Variants in VEZF1 observed in about 807,000 individuals in gnomAD.
VEZF1 encodes vascular endothelial zinc finger 1.
In VEZF1, 5 loss-of-function variants were observed where a neutral mutation model predicts 44.1. That is an observed-to-expected ratio of 0.11 (90% confidence interval 0.06 to 0.24). The LOEUF is 0.24. Among genes scored for constraint, VEZF1 ranks in the 10% least tolerant of loss-of-function variants. The pLI, the probability that VEZF1 is intolerant of heterozygous loss-of-function variation, is 1.00. For synonymous variants in VEZF1, 236 were observed against 233.1 expected (o/e 1.01, Z -0.11); for missense variants, 358 against 641.8 (o/e 0.56, Z 4.78).
intron 1 of VEZF1, among the ~76,000 whole-genome samples, chr17:57,986,326 C>CTA (rs1567741956): frequency 2.6e-5 from 4 of 151,310 alleles, no homozygotes; most frequent in African/African-American, 9.7e-5. Flanking sequence ...TTTTCAATCT[C>CTA]TATAGACACC....
At chr17:57,980,393 G>T (rs1057151746) in intron 4 of VEZF1, among the ~76,000 whole-genome samples, 2 of 152,188 alleles carry the variant, frequency 1.3e-5, no homozygotes, top group African/African-American at 4.8e-5. Context: ...CACCTTAAAG[G>T]TTATTATTAG....
At chr17:57,983,869 A>T (rs187890987) in intron 1 of VEZF1, among the ~76,000 whole-genome samples, 17 of 152,372 alleles carry the variant, frequency 1.1e-4, no homozygotes, top group Non-Finnish European at 1.5e-5. Flanking sequence ...ATGTCTTTCT[A>T]TCAGAAAACT....
At chr17:57,975,345 G>A (rs2075179928) in intron 5 of VEZF1, among the ~76,000 whole-genome samples, 1 of 152,194 alleles carries the variant, frequency 6.6e-6, no homozygotes, top group Non-Finnish European at 1.5e-5. Context: ...TGGGCCAATG[G>A]TTACACAATA....
At position 57,988,091 on chromosome 17, in the gene VEZF1, C is replaced by T. The variant is rs1479397762; in HGVS notation, c.21G>A (p.Ala7=). The change falls in exon 1 of 6, where the codon GCG becomes GCA. Residue 7 remains alanine (A), a synonymous_variant. Coordinates refer to ENST00000581208, the MANE Select transcript of VEZF1 (RefSeq NM_007146.3). MEANWT[A]FLFQAHEASH... ...GGGCCCCCAGTACCTGGAACAGGAA[C>T]GCGGTCCAGTTGGCCTCCATGGCTG... The T allele has an allele frequency of 1.9e-5, 14 of 728,064 alleles. No homozygotes were observed. In the Admixed American group the frequency reaches 2.2e-4, roughly 12 times the overall value. 45.1% of individuals were successfully genotyped at this position (728,064 alleles called of 1,614,324 possible).
chr17:57,983,094 C>T lies in VEZF1; in HGVS notation c.333G>A (p.Thr111=), dbSNP rs778054298. 2.0e-5 allele frequency: 33 copies of T among 1,614,162 alleles called. No individual in the cohort carries two copies. The highest frequency in any genetic ancestry group is 2.7e-5 in the Non-Finnish European group (32 of 1,180,032). Residue 111 remains threonine, a synonymous_variant, in exon 2 of 6, where the codon ACG becomes ACA. Coordinates refer to ENST00000581208, the MANE Select transcript of VEZF1 (RefSeq NM_007146.3). ...CGATGGTAGAGATAAGGGGAACCACCGTGGTGGGGGTTTTCTTTGGCCGGG... is the reference window on the plus strand; with the variant it reads ...CGATGGTAGAGATAAGGGGAACCACTGTGGTGGGGGTTTTCTTTGGCCGGG... ...LVSRPKKTPT[T]VVPLISTIAG... is the part of the protein sequence containing the mutation.
rs1598049155 is a variant in VEZF1, at chr17:57,983,485, A to C, written c.34-92T>G. 80 of 1,166,370 alleles carry C rather than the reference A, an allele frequency of 6.9e-5. No individual in the cohort carries two copies. In the East Asian group the frequency reaches 1.9e-3, roughly 27 times the overall value. The allele number at this position is 1,166,370 out of a possible 1,614,324, so 72.3% of individuals were successfully genotyped here. On this transcript the variant is annotated intron_variant, in intron 1 of 5. Coordinates refer to ENST00000581208, the MANE Select transcript of VEZF1 (RefSeq NM_007146.3). Reference sequence around the variant, plus strand: ...CCAGACAATAGAGACCAGAAGAAACAGTCAAAGAACCTATAAGCTACTCTG... The same window carrying C: ...CCAGACAATAGAGACCAGAAGAAACCGTCAAAGAACCTATAAGCTACTCTG...
In VEZF1 at chr17:57,979,243, T is replaced by TTGTTGCTGCTGCTGCTGC. The variant is rs914850486; in HGVS notation, c.1046_1047insGCAGCAGCAGCAGCAACA (p.Gln349_Gln354dup). The stretch of plus-strand genomic sequence containing the variant: ...TTGTCACATGTTGTTGTTGTTGTTG[T>TTGTTGCTGCTGCTGCTGC]TGCTGCTGCTGCTGCTGCTGCTGCT... On this transcript the variant is annotated inframe_insertion, in exon 5 of 6. Transcript: ENST00000581208. The TTGTTGCTGCTGCTGCTGC allele has an allele frequency of 2.5e-6, 4 of 1,596,988 alleles. No homozygotes were observed. In the African/African-American group the frequency reaches 5.4e-5, roughly 22 times the overall value.
chr17:57,985,438 G>C, intron 1 of VEZF1: 1 of 1,222,948 alleles, frequency 8.2e-7, no homozygotes, highest in Non-Finnish European at 1.0e-6. Flanking sequence ...GCCTTCTAAG[G>C]GGGAACTGGG....
In VEZF1 at chr17:57,988,088, G is replaced by A; in HGVS notation, c.24C>T (p.Phe8=). MEANWTA[F]LFQAHEASHH... ...GGGGGGCCCCCAGTACCTGGAACAGGAACGCGGTCCAGTTGGCCTCCATGG... is the reference window on the plus strand; with the variant it reads ...GGGGGGCCCCCAGTACCTGGAACAGAAACGCGGTCCAGTTGGCCTCCATGG... The change falls in exon 1 of 6, where the codon TTC becomes TTT. Residue 8 remains phenylalanine, a synonymous_variant. Transcript: ENST00000581208. 1.4e-6 allele frequency: 1 copy of A among 712,198 alleles called. No individual in the cohort carries two copies. Among genetic ancestry groups the A allele is most frequent in the Non-Finnish European group, 1.8e-6 (1 of 540,702 alleles). 44.1% of individuals were successfully genotyped at this position (712,198 alleles called of 1,614,324 possible).
intron 1 of VEZF1, among the ~76,000 whole-genome samples, chr17:57,983,994 C>A (rs1185174630): frequency 6.6e-6 from 1 of 152,188 alleles, no homozygotes; most frequent in Non-Finnish European, 1.5e-5. Flanking sequence ...TTGGTTGAAA[C>A]AAAATCTGCT....
In VEZF1 at chr17:57,971,560, C is replaced by G. The variant is rs2075136212; in HGVS notation, c.*2913G>C. The stretch of plus-strand genomic sequence containing the variant: ...AACAATCCATCATAACATTTGTGAC[C>G]AGTTAACTTTAATTTTCAAAATAAA... On this transcript the variant is annotated 3_prime_UTR_variant, in exon 6 of 6. Transcript: ENST00000581208. The G allele has an allele frequency of 6.6e-6, 1 of 152,322 alleles. No individual in the cohort carries two copies. Among genetic ancestry groups the G allele is most frequent in the Non-Finnish European group, 1.5e-5 (1 of 68,030 alleles). The allele number at this position is 152,322 out of a possible 1,614,324, so 9.4% of individuals were successfully genotyped here.
intron 1 of VEZF1, among the ~76,000 whole-genome samples, chr17:57,983,685 A>T (rs1196923297): frequency 6.6e-6 from 1 of 152,224 alleles, no homozygotes; most frequent in Non-Finnish European, 1.5e-5. Flanking sequence ...CAGCTGATGA[A>T]ATCAGTTTGC....
intron 3 of VEZF1, among the ~76,000 whole-genome samples, chr17:57,981,388 T>C (rs1173085243): frequency 1.3e-5 from 2 of 152,222 alleles, no homozygotes; most frequent in Non-Finnish European, 2.9e-5. Context: ...TTATAATTGA[T>C]GTCAAATAAA....
rs756095353 is a variant in VEZF1 at position 57,974,456 on chromosome 17, T to G, written c.*17A>C. On this transcript the variant is annotated 3_prime_UTR_variant, in exon 6 of 6. Transcript: ENST00000581208. ...TAAATATTTACTTTTACCCATATTTTGATTTTATAATACTGTTTACCAAGG... is the reference window on the plus strand; with the variant it reads ...TAAATATTTACTTTTACCCATATTTGGATTTTATAATACTGTTTACCAAGG... The G allele has an allele frequency of 6.3e-6, 10 of 1,591,320 alleles. No individual in the cohort carries two copies. Among genetic ancestry groups the G allele is most frequent in the Non-Finnish European group, 8.6e-6 (10 of 1,163,474 alleles).
intron 5 of VEZF1, among the ~76,000 whole-genome samples, chr17:57,978,271 A>G (rs975348873): frequency 6.6e-6 from 1 of 152,134 alleles, no homozygotes; most frequent in South Asian, 2.1e-4. Context: ...CATGAAAGCA[A>G]AAGATGGAAG....
chr17:57,973,678 C>G lies in VEZF1; in HGVS notation c.*795G>C, dbSNP rs537008649. 12 of 152,414 alleles carry G rather than the reference C, an allele frequency of 7.9e-5. No individual in the cohort carries two copies. The highest frequency in any genetic ancestry group is 2.9e-4 in the African/African-American group (12 of 41,576). 9.4% of individuals were successfully genotyped at this position (152,414 alleles called of 1,614,324 possible). A position where few individuals can be genotyped will look rare whatever the true frequency, so the allele number is the denominator to read the frequency against. ...TTTATTAGGAGCTTGCCTGTCCACACACTTGACTTCTCCTCTGTCAGTTGA... is the reference window on the plus strand; with the variant it reads ...TTTATTAGGAGCTTGCCTGTCCACAGACTTGACTTCTCCTCTGTCAGTTGA... On this transcript the variant is annotated 3_prime_UTR_variant, in exon 6 of 6. Transcript: ENST00000581208.
chr17:57,987,863 C>T (rs2075314511), intron 1 of VEZF1, among the ~76,000 whole-genome samples: 1 of 151,698 alleles, frequency 6.6e-6, no homozygotes, highest in Admixed American at 6.5e-5. Flanking sequence ...GGGTTCACCC[C>T]GCGGCCTGCT....
At chr17:57,980,880 C>A in intron 3 of VEZF1, 94 bp from the exon 4 acceptor site, 2 of 1,233,146 alleles carry the variant, frequency 1.6e-6, no homozygotes, top group Non-Finnish European at 2.3e-6. Flanking sequence ...CTATCCACAT[C>A]AGCAAGCTGA....
At position 57,973,795 on chromosome 17, in the gene VEZF1, A is replaced by G. The variant is rs1332937972; in HGVS notation, c.*678T>C. 6.6e-6 allele frequency: 1 copy of G among 152,418 alleles called. No homozygotes were observed. Among genetic ancestry groups the G allele is most frequent in the Non-Finnish European group, 1.5e-5 (1 of 68,062 alleles). 9.4% of individuals were successfully genotyped at this position (152,418 alleles called of 1,614,324 possible). On this transcript the variant is annotated 3_prime_UTR_variant, in exon 6 of 6. Transcript: ENST00000581208. ...TACAATGCTATATTCCATCGGGATT[A>G]ATATGCTGAGCAATATTTACATCTC...
Sources: allele counts gnomAD v4.1 joint callset (sites outside exome capture counted in the v4.1 genomes callset), GRCh38; gene constraint gnomAD v4.1.1; transcripts MANE v1.5; gene names NCBI Gene and HGNC (gene_info 2026-07-23, HGNC 2026-07-21).